Variants in NME4 observed in about 807,000 individuals in gnomAD.
NME4 encodes NME/NM23 nucleoside diphosphate kinase 4.
In NME4, 21 loss-of-function variants were observed where a neutral mutation model predicts 16.4. The observed-to-expected ratio is 1.28, with a 90% CI of 0.91 to 1.84. NME4 has a LOEUF of 1.84. Among genes scored for constraint, NME4 ranks in the 40% most tolerant of loss-of-function variants. The pLI is 0.00. For synonymous variants in NME4, 132 were observed against 107.5 expected, an observed-to-expected ratio of 1.23 and a Z score of -1.41; for missense variants, 316 against 261.3, an observed-to-expected ratio of 1.21 and a Z score of -1.44.
At position 398,327 on chromosome 16, in the gene NME4, G is replaced by T. The variant is rs939083605; in HGVS notation, c.92-663G>T. The stretch of plus-strand genomic sequence containing the variant: ...CGTCTCCTGGCTCGGACAGAACCCT[G>T]CTACCTTCCCTCTTCAATCTTCAGG... On this transcript the variant is annotated intron_variant, in intron 1 of 4. Coordinates refer to ENST00000219479, the MANE Select transcript of NME4 (RefSeq NM_005009.3). The T allele has an allele frequency of 1.3e-5, 17 of 1,315,824 alleles. No individual in the cohort carries two copies. The African/African-American group carries it at 2.1e-4, about 16-fold the overall frequency. The allele number at this position is 1,315,824 out of a possible 1,614,324, so 81.5% of individuals were successfully genotyped here. A position where few individuals can be genotyped will look rare whatever the true frequency, so the allele number is the denominator to read the frequency against.
At chr16:399,875 T>C in intron 4 of NME4, 136 bp downstream of exon 4, 1 of 715,748 alleles carries the variant, frequency 1.4e-6, no homozygotes, top group Non-Finnish European at 2.4e-6. Context: ...CTCACACTGG[T>C]GAGAGCCGTG....
upstream of NME4, chr16:397,166 T>C: frequency 1.3e-6 from 1 of 771,142 alleles, no homozygotes; most frequent in Non-Finnish European, 1.6e-6. Context: ...GGTCTCGGGC[T>C]GGCACCGCCC....
intron 1 of NME4, 142 bp downstream of exon 1, chr16:397,455 G>A (rs1282206102): frequency 1.8e-5 from 4 of 224,086 alleles, no homozygotes; most frequent in Non-Finnish European, 3.0e-5. Context: ...CGTCCGAGTT[G>A]GGGAAGGCGC....
chr16:397,952 T>C, intron 1 of NME4: 2 of 1,547,684 alleles, frequency 1.3e-6, no homozygotes, highest in Non-Finnish European at 8.7e-7. Flanking sequence ...AGCCCCAGGC[T>C]ACACAAGGCG....
Position 399,722 on chromosome 16 carries a change from C to T in NME4, c.423C>T (p.Phe141=), listed in dbSNP as rs1432888328. 1.3e-5 allele frequency: 21 copies of T among 1,612,714 alleles called. No individual in the cohort carries two copies. The highest frequency in any genetic ancestry group is 1.8e-5 in the Non-Finnish European group (21 of 1,179,850). ...CCCCAGGAACCATAAGGGGTGACTT[C>T]AGCGTCCACATCAGCAGGTACGGGG... ...EAAPGTIRGD[F]SVHISRNVIH... Residue 141 remains phenylalanine (F), a synonymous_variant, in exon 4 of 5, where the codon TTC becomes TTT. Transcript: ENST00000219479.
At chr16:398,260 C>G in intron 1 of NME4, 1 of 1,395,804 alleles carries the variant, frequency 7.2e-7, no homozygotes. Context: ...GACCCTGGGT[C>G]TGGAAGCGAC....
intron 1 of NME4, 184 bp from the exon 2 acceptor site, chr16:398,806 C>G: frequency 1.3e-6 from 1 of 759,254 alleles, no homozygotes; most frequent in Non-Finnish European, 2.1e-6. Context: ...CCTTGGGTGT[C>G]CCTGACAGGG....
chr16:399,979 A>C, intron 4 of NME4: 1 of 678,480 alleles, frequency 1.5e-6, no homozygotes, highest in East Asian at 2.7e-5. Flanking sequence ...AGGGGTTGGC[A>C]CGGGGCAACT....
intron 1 of NME4, chr16:398,168 G>A: frequency 1.5e-5 from 23 of 1,519,948 alleles, no homozygotes; most frequent in Non-Finnish European, 2.0e-5. Context: ...AGCAGCCTGG[G>A]ACTATAGGAA....
chr16:397,126 CGGCGGGGGGCTCCCGGGCG>C (rs1369766950), upstream of NME4: 5 of 274,810 alleles, frequency 1.8e-5, no homozygotes, highest in Non-Finnish European at 2.4e-5. Context: ...GGCTCCGGGG[CGGCGGGGGGCTCCCGGGCG>C]GGCGGGGGCG....
In NME4 at chr16:400,286, AGTGAGCTG is replaced by A. The variant is rs1260410957; in HGVS notation, c.518_525del (p.Val173GlyfsTer62). ...GGAGATCCAGCTGTGGTTCCAGAGC[AGTGAGCTG>A]GTGAGCTGGGCAGACGGGGGCCAGC... On this transcript the variant is annotated frameshift_variant, in exon 5 of 5. Transcript: ENST00000219479. LOFTEE classifies it high-confidence loss of function. The A allele has an allele frequency of 1.2e-6, 2 of 1,607,236 alleles. No individual in the cohort carries two copies. Among genetic ancestry groups the A allele is most frequent in the East Asian group, 2.2e-5 (1 of 44,756 alleles).
At chr16:398,170 C>A in intron 1 of NME4, 1 of 1,517,548 alleles carries the variant, frequency 6.6e-7, no homozygotes, top group Non-Finnish European at 8.9e-7. Context: ...CAGCCTGGGA[C>A]TATAGGAAGG....
intron 1 of NME4, chr16:398,166 G>C (rs1173001972): frequency 5.3e-6 from 8 of 1,520,530 alleles, no homozygotes; most frequent in Non-Finnish European, 7.1e-6. Context: ...GGAGCAGCCT[G>C]GGACTATAGG....
At chr16:397,997 CA>C (rs2054583831) in intron 1 of NME4, 26 of 1,541,884 alleles carry the variant, frequency 1.7e-5, no homozygotes, top group Non-Finnish European at 2.2e-5. Context: ...ACAAACCAAC[CA>C]GGGGGTCTTC....
chr16:398,464 T>C, intron 1 of NME4: 2 of 1,127,788 alleles, frequency 1.8e-6, no homozygotes, highest in South Asian at 1.6e-5. Flanking sequence ...TTCTTCCTCA[T>C]GTGGAAAGTC....
intron 1 of NME4, chr16:397,774 G>T: frequency 6.8e-7 from 1 of 1,476,900 alleles, no homozygotes; most frequent in Non-Finnish European, 9.0e-7. Flanking sequence ...TTCGCTGAAG[G>T]CCAAGTTAGG....
intron 1 of NME4, chr16:397,879 G>T: frequency 6.4e-7 from 1 of 1,555,236 alleles, no homozygotes; most frequent in Non-Finnish European, 8.7e-7. Context: ...CATGTCCCAG[G>T]GCTCCCTCCA....
rs1382942648 is a variant in NME4 at position 400,623 on chromosome 16, G to A, written c.*281G>A. The stretch of plus-strand genomic sequence containing the variant: ...ATCATAACCTCTCCTCTAAAGGGGA[G>A]GCATTAAAATTCACTGTGCCCAGCA... On this transcript the variant is annotated 3_prime_UTR_variant, in exon 5 of 5. Coordinates refer to ENST00000219479, the MANE Select transcript of NME4 (RefSeq NM_005009.3). 7.6e-6 allele frequency: 3 copies of A among 396,618 alleles called. No individual in the cohort carries two copies. The highest frequency in any genetic ancestry group is 9.0e-6 in the Non-Finnish European group (2 of 221,754). 24.6% of individuals were successfully genotyped at this position (396,618 alleles called of 1,614,324 possible). A position where few individuals can be genotyped will look rare whatever the true frequency, so the allele number is the denominator to read the frequency against.
rs2054644587 is a variant in NME4 at position 400,712 on chromosome 16, G to C, written c.*370G>C. ...AGGTAGAAATGACGCCTTTATGCAAGTTGTAAGGAGTTGAACAGTAAAGAG... is the reference window on the plus strand; with the variant it reads ...AGGTAGAAATGACGCCTTTATGCAACTTGTAAGGAGTTGAACAGTAAAGAG... On this transcript the variant is annotated 3_prime_UTR_variant, in exon 5 of 5. Coordinates refer to ENST00000219479, the MANE Select transcript of NME4 (RefSeq NM_005009.3). The C allele has an allele frequency of 1.0e-5, 2 of 197,992 alleles. No homozygotes were observed. Among genetic ancestry groups the C allele is most frequent in the African/African-American group, 4.6e-5 (2 of 43,070 alleles). The allele number at this position is 197,992 out of a possible 1,614,324, so 12.3% of individuals were successfully genotyped here. A position where few individuals can be genotyped will look rare whatever the true frequency, so the allele number is the denominator to read the frequency against.
Sources: allele counts gnomAD v4.1 joint callset, GRCh38; gene constraint gnomAD v4.1.1; transcripts MANE v1.5; gene names NCBI Gene and HGNC (gene_info 2026-07-23, HGNC 2026-07-21).